The following HOOK2 variants were observed in gnomAD, a reference collection of about 807,000 sequenced individuals.
HOOK2 encodes protein Hook homolog 2.
HOOK2 carries 108 observed loss-of-function variants against 111.9 expected under a neutral mutation model. That is an observed-to-expected ratio of 0.96 (90% CI 0.83 to 1.13). The LOEUF is 1.13. Ranked by LOEUF, HOOK2 falls within the 50% of genes most tolerant of loss-of-function variation. The pLI, the probability that HOOK2 is intolerant of heterozygous loss-of-function variation, is 0.00. For missense variants in HOOK2, 978 were observed against 951.3 expected, an observed-to-expected ratio of 1.03 and a Z score of -0.37; for synonymous variants, 405 against 394.3, an observed-to-expected ratio of 1.03 and a Z score of -0.32.
At position 12,767,370 on chromosome 19, in the gene HOOK2, A is replaced by C. The variant is rs200682161; in HGVS notation, c.1373+25T>G. The C allele has an allele frequency of 4.2e-3, 6,762 of 1,605,104 alleles. 76 individuals carry two copies. Among genetic ancestry groups the C allele is most frequent in the South Asian group, 0.025 (2,231 of 90,898 alleles). On this transcript the variant is annotated intron_variant, in intron 14 of 22. Coordinates refer to ENST00000397668, the MANE Select transcript of HOOK2 (RefSeq NM_013312.3). ...GGCCTTGGCAAGCCTGGGTGGGGCC[A>C]GAGTTTTGAGTGACCCCAGGATACC...
chr19:12,782,722 C>T (rs896846315), upstream of HOOK2, among the ~76,000 whole-genome samples: 1 of 152,160 alleles, frequency 6.6e-6, no homozygotes, highest in Non-Finnish European at 1.5e-5. Context: ...CCCGCCCCGG[C>T]CGGGACCTTG....
upstream of HOOK2, among the ~76,000 whole-genome samples, chr19:12,782,446 C>G (rs1235879828): frequency 1.3e-4 from 20 of 152,332 alleles, no homozygotes. Context: ...TCACAGAGGA[C>G]AGCAGGCTGC....
upstream of HOOK2, among the ~76,000 whole-genome samples, chr19:12,777,532 G>A (rs1968551417): frequency 6.6e-6 from 1 of 152,232 alleles, no homozygotes; most frequent in Admixed American, 6.5e-5. Context: ...TCCAGCAGTA[G>A]ATAAGGGGAC....
In HOOK2 at chr19:12,775,462, G is replaced by C; in HGVS notation, c.-13C>G. On this transcript the variant is annotated 5_prime_UTR_variant, in exon 1 of 23. In the 5' UTR this introduces an upstream ATG that the reference lacks. Coordinates refer to ENST00000397668, the MANE Select transcript of HOOK2 (RefSeq NM_013312.3). ...TGTCCACGCTCATGGCTCCCGATCG[G>C]ATTCAATCCAGGCCACGGAGCCCCG... 6.2e-7 allele frequency: 1 copy of C among 1,609,652 alleles called. No individual in the cohort carries two copies. The highest frequency in any genetic ancestry group is 8.5e-7 in the Non-Finnish European group (1 of 1,178,528).
upstream of HOOK2, among the ~76,000 whole-genome samples, chr19:12,778,920 C>G (rs1487645382): frequency 1.3e-5 from 2 of 152,172 alleles, no homozygotes; most frequent in African/African-American, 4.8e-5. Context: ...GGGAAGACAG[C>G]AGCAATCTCT....
In HOOK2 at chr19:12,767,445, G is replaced by A. The variant is rs763051049; in HGVS notation, c.1323C>T (p.Thr441=). 1 of 1,614,024 alleles carries A rather than the reference G, an allele frequency of 6.2e-7. No homozygotes were observed. The highest frequency in any genetic ancestry group is 8.5e-7 in the Non-Finnish European group (1 of 1,179,928). ...LTQADPSLDP[T]STPVDNLAAE... ...CGGCTAAGTTATCCACGGGTGTGGA[G>A]GTGGGATCCAGTGAGGGATCTGAAG... Residue 441 remains threonine, a synonymous_variant, in exon 14 of 23, where the codon ACC becomes ACT. Transcript: ENST00000397668.
intron 20 of HOOK2, chr19:12,764,495 A>C (rs1311998888): frequency 3.9e-6 from 1 of 259,510 alleles, no homozygotes. Flanking sequence ...ATGCCCAGCT[A>C]ATTTTTGTAT....
At chr19:12,767,020 G>A (rs1482514626) in intron 14 of HOOK2, among the ~76,000 whole-genome samples, 1 of 152,148 alleles carries the variant, frequency 6.6e-6, no homozygotes, top group African/African-American at 2.4e-5. Context: ...ATGATCCACC[G>A]TGCCTGGCCC....
At position 12,771,256 on chromosome 19, in the gene HOOK2, T is replaced by A. The variant is rs1968320014; in HGVS notation, c.664A>T (p.Met222Leu). Residue 222 changes from methionine to leucine, a missense_variant, in exon 9 of 23, where the codon ATG becomes TTG. Met to Leu is a conservative substitution (Grantham distance 15). Transcript: ENST00000397668. ...GTACCCTCGCCTTCAGGCCGGCCCA[T>A]CCGCTCCCGCAGCCCTGCATTCTCT... is the stretch of plus-strand genomic sequence containing the variant. The part of the protein sequence containing the change: ...AQENAGLRER[M>L]GRPEGEGTPG... 1.2e-6 allele frequency: 2 copies of A among 1,607,364 alleles called. No homozygotes were observed. Among genetic ancestry groups the A allele is most frequent in the Non-Finnish European group, 1.7e-6 (2 of 1,176,878 alleles).
Position 12,769,987 on chromosome 19 carries a change from T to G in HOOK2, c.998A>C (p.Gln333Pro). Residue 333 changes from glutamine to proline, a missense_variant, in exon 11 of 23, where the codon CAG becomes CCG. Gln to Pro is a moderately conservative substitution (Grantham distance 76, BLOSUM62 -1). This residue lies in a region of HOOK2 where 388 missense variants were observed against 358.3 expected (regional missense o/e 1.08). Transcript: ENST00000397668. Reference sequence around the variant, plus strand: ...GTGGCCGGCGTTGCGTTCCTCCAGCTGCCGCACCTGCCGCCGCAGCTCCCT... The same window carrying G: ...GTGGCCGGCGTTGCGTTCCTCCAGCGGCCGCACCTGCCGCCGCAGCTCCCT... ...ELRELRRQVR[Q>P]LEERNAGHAE... The G allele has an allele frequency of 6.5e-7, 1 of 1,545,750 alleles. No homozygotes were observed. The highest frequency in any genetic ancestry group is 8.7e-7 in the Non-Finnish European group (1 of 1,150,690).
At chr19:12,764,699 T>C in intron 20 of HOOK2, 115 bp downstream of exon 20, 1 of 783,312 alleles carries the variant, frequency 1.3e-6, no homozygotes, top group Non-Finnish European at 2.2e-6. Context: ...TATGGTGGGG[T>C]ATGACAGGTA....
chr19:12,768,239 T>C, intron 11 of HOOK2, 116 bp from the exon 12 acceptor site: 5 of 807,590 alleles, frequency 6.2e-6, no homozygotes, highest in Non-Finnish European at 7.9e-6. Context: ...GACTTTACTA[T>C]GGTGCTTTCA....
chr19:12,764,857 G>A lies in HOOK2; in HGVS notation c.1784C>T (p.Ala595Val), dbSNP rs1968101809. Reference sequence around the variant, plus strand: ...GTAGCGGCGGTATCGCTCCTCCATGGCCCGCAAGTCCGCGTCCTTCTTCTG... The same window carrying A: ...GTAGCGGCGGTATCGCTCCTCCATGACCCGCAAGTCCGCGTCCTTCTTCTG... ...NLQKKDADLR[A>V]MEERYRRYVD... Residue 595 changes from alanine to valine, a missense_variant, in exon 20 of 23, where the codon GCC becomes GTC. By Grantham distance (64) the Ala-to-Val change is moderately conservative. Around this residue, in one of 5 missense-constraint regions of HOOK2, gnomAD observed 277 missense variants for 265.8 expected, o/e 1.04. Transcript: ENST00000397668. 6.2e-7 allele frequency: 1 copy of A among 1,613,906 alleles called. No homozygotes were observed. The highest frequency in any genetic ancestry group is 1.1e-5 in the South Asian group (1 of 91,088).
Position 12,764,819 on chromosome 19 carries a change from G to T in HOOK2, c.1822C>A (p.Arg608Ser), listed in dbSNP as rs201025992. 6.2e-7 allele frequency: 1 copy of T among 1,613,320 alleles called. No individual in the cohort carries two copies. The highest frequency in any genetic ancestry group is 8.5e-7 in the Non-Finnish European group (1 of 1,179,762). The change falls in exon 20 of 23, where the codon CGC (arginine) becomes AGC (serine). Residue 608 changes from arginine (R) to serine (S), a missense_variant. Physicochemically the swap from Arg to Ser is moderately radical, Grantham distance 110. This residue lies in a region of HOOK2 where 277 missense variants were observed against 265.8 expected (regional missense o/e 1.04). Transcript: ENST00000397668. Reference sequence around the variant, plus strand: ...GGAACACCCAGCGTCCTCACCATGCGGGCCTTGTCCACGTAGCGGCGGTAT... The same window carrying T: ...GGAACACCCAGCGTCCTCACCATGCTGGCCTTGTCCACGTAGCGGCGGTAT... ...ERYRRYVDKA[R>S]MVMQTMEPKQ...
At chr19:12,788,126 G>A (rs1227009236) in intron 3 of HOOK2, among the ~76,000 whole-genome samples, 2 of 152,178 alleles carry the variant, frequency 1.3e-5, no homozygotes, top group Non-Finnish European at 2.9e-5. Context: ...CCTGCAGCTG[G>A]TACTGCATAC....
chr19:12,775,119 G>T (rs1165046210), intron 1 of HOOK2: 5 of 908,658 alleles, frequency 5.5e-6, no homozygotes, highest in Non-Finnish European at 6.6e-6. Context: ...GGCCAGGGTG[G>T]TATCGCGAGT....
At position 12,769,909 on chromosome 19, in the gene HOOK2, C is replaced by T. The variant is rs770888419; in HGVS notation, c.1076G>A (p.Arg359His). The T allele has an allele frequency of 6.6e-7, 1 of 1,516,578 alleles. No homozygotes were observed. The highest frequency in any genetic ancestry group is 8.8e-7 in the Non-Finnish European group (1 of 1,141,164). 93.9% of individuals were successfully genotyped at this position (1,516,578 alleles called of 1,614,324 possible). A position where few individuals can be genotyped will look rare whatever the true frequency, so the allele number is the denominator to read the frequency against. Residue 359 changes from arginine to histidine, a missense_variant, in exon 11 of 23, where the codon CGC (arginine) becomes CAC (histidine). Transcript: ENST00000397668. ...CCGCCGCTGCGCCTCCAGCTGGGCG[C>T]GCAGGGAGCCCGCTCGGCGTAGCTC... ...EDELRRAGSL[R>H]AQLEAQRRQV...
At chr19:12,774,289 A>G in intron 3 of HOOK2, 1 of 277,862 alleles carries the variant, frequency 3.6e-6, no homozygotes, top group Non-Finnish European at 7.1e-6. Context: ...TATTTTTAGT[A>G]GAGATGGGGT....
intron 3 of HOOK2, 166 bp from the exon 4 acceptor site, chr19:12,773,210 T>C: frequency 1.7e-6 from 1 of 592,636 alleles, no homozygotes. Context: ...GCCCCTTTTG[T>C]CTGCCTGACC....
Sources: gnomAD v4.1 joint callset for allele counts (sites outside exome capture counted in the v4.1 genomes callset) on GRCh38, gnomAD v4.1.1 for gene constraint, gnomAD v4.1.1 regional missense constraint, MANE v1.5 for transcripts, NCBI Gene and HGNC (gene_info 2026-07-23, HGNC 2026-07-21) for gene names.